The following TAF1 variants were observed in gnomAD, a reference collection of about 807,000 sequenced individuals.
TAF1 encodes TATA-box binding protein associated factor 1, also known as transcription initiation factor TFIID subunit 1.
TAF1 carries 2 observed loss-of-function variants against 138.5 expected under a neutral mutation model. The observed-to-expected ratio is 0.01, with a 90% CI of 0.01 to 0.05. The LOEUF is 0.05. Among genes scored for constraint, TAF1 ranks in the 10% least tolerant of loss-of-function variants. The pLI is 1.00. For synonymous variants in TAF1, 437 were observed against 503.2 expected, an observed-to-expected ratio of 0.87 and a Z score of 1.76; for missense variants, 709 against 1,478.0, an observed-to-expected ratio of 0.48 and a Z score of 8.53.
intron 32 of TAF1, among the ~76,000 whole-genome samples, chrX:71,429,976 A>G: frequency 9.0e-6 from 1 of 111,670 alleles, no homozygotes; most frequent in South Asian, 3.8e-4. Flanking sequence ...TCTAGGGACT[A>G]CTCCACACAA....
Position 71,387,326 on chromosome X carries a change from G to C in TAF1, c.2292G>C (p.Leu764Phe). The part of the protein sequence containing the change: ...YLHKMPETDF[L>F]IIRTRQGYYI... ...ATAAGATGCCAGAAACTGATTTCTT[G>C]ATCATTCGGACAAGACAGGGTTACT... Residue 764 changes from leucine to phenylalanine, a missense_variant, in exon 15 of 38, where the codon TTG becomes TTC. Around this residue, in one of 14 missense-constraint regions of TAF1, gnomAD observed 201 missense variants for 421.3 expected, o/e 0.48. Coordinates refer to ENST00000423759, the MANE Select transcript of TAF1 (RefSeq NM_004606.5). The C allele has an allele frequency of 8.3e-7, 1 of 1,211,780 alleles. No homozygotes were observed. The highest frequency in any genetic ancestry group is 1.1e-6 in the Non-Finnish European group (1 of 895,533).
chrX:71,430,379 G>A (rs2036821758), intron 32 of TAF1, among the ~76,000 whole-genome samples: 2 of 86,822 alleles, frequency 2.3e-5, no homozygotes, highest in Admixed American at 1.4e-4. Context: ...GCGAGACTCC[G>A]TCTCACAAAA....
chrX:71,513,256 A>G (rs973972193), intron 13 of TAF1, among the ~76,000 whole-genome samples: 5 of 111,753 alleles, frequency 4.5e-5, no homozygotes, highest in African/African-American at 1.6e-4. Context: ...TGGATAATTC[A>G]TGGAGCAGTC....
At chrX:71,418,712 C>T (rs1461926796) in intron 28 of TAF1, among the ~76,000 whole-genome samples, 1 of 108,235 alleles carries the variant, frequency 9.2e-6, no homozygotes, top group Non-Finnish European at 1.9e-5. Flanking sequence ...GGAGATAGGT[C>T]AGATAGTTCA....
intron 2 of TAF1, among the ~76,000 whole-genome samples, chrX:71,367,853 T>C (rs1423027195): frequency 9.0e-6 from 1 of 111,585 alleles, no homozygotes; most frequent in Non-Finnish European, 1.9e-5. Flanking sequence ...GTATTTTTAG[T>C]AGAGACAGGG....
At chrX:71,394,330 A>C in intron 22 of TAF1, 85 bp downstream of exon 22, 1 of 1,042,158 alleles carries the variant, frequency 9.6e-7, no homozygotes, top group African/African-American at 1.9e-5. Flanking sequence ...ATTGAGGGAG[A>C]TCTGGAGGCA....
chrX:71,483,803 T>TATATATATATATATACAC (rs1290090578), intron 13 of TAF1, among the ~76,000 whole-genome samples: 1 of 92,894 alleles, frequency 1.1e-5, no homozygotes, highest in African/African-American at 4.3e-5. Flanking sequence ...TATATATATA[T>TATATATATATATATACAC]ACACACACAT....
intron 13 of TAF1, among the ~76,000 whole-genome samples, chrX:71,496,483 CTCTT>C (rs2039397127): frequency 1.8e-5 from 2 of 111,756 alleles, no homozygotes; most frequent in Admixed American, 9.5e-5. Context: ...CTCTCTTTCT[CTCTT>C]TCTTTCTCTT....
chrX:71,395,365 T>A (rs1446948729), intron 22 of TAF1, among the ~76,000 whole-genome samples: 1 of 111,077 alleles, frequency 9.0e-6, no homozygotes, highest in African/African-American at 3.3e-5. Context: ...AAAAATTAGA[T>A]GTGGTGGCAG....
At chrX:71,382,475 G>C in intron 9 of TAF1, 61 bp from the exon 10 acceptor site, 1 of 1,172,980 alleles carries the variant, frequency 8.5e-7, no homozygotes, top group Non-Finnish European at 1.1e-6. Context: ...CTGGATACTT[G>C]TCTGTAGGAA....
At chrX:71,370,427 A>G (rs752409641) in intron 3 of TAF1, among the ~76,000 whole-genome samples, 4 of 110,919 alleles carry the variant, frequency 3.6e-5, no homozygotes, top group Non-Finnish European at 5.7e-5. Context: ...GCTCACTGCA[A>G]CTTCCACCTA....
At chrX:71,371,831 C>G (rs2033079503) in intron 3 of TAF1, among the ~76,000 whole-genome samples, 1 of 111,783 alleles carries the variant, frequency 8.9e-6, no homozygotes, top group South Asian at 3.7e-4. Flanking sequence ...GTTTTCTTGT[C>G]TGTAGTAAAG....
intron 25 of TAF1, among the ~76,000 whole-genome samples, chrX:71,404,638 G>A (rs764161918): frequency 6.8e-4 from 76 of 111,523 alleles, no homozygotes; most frequent in Non-Finnish European, 1.1e-3. Context: ...CGCTCAGCTG[G>A]TATACATATA....
chrX:71,391,133 C>G (rs931806371), intron 18 of TAF1, among the ~76,000 whole-genome samples: 1 of 111,856 alleles, frequency 8.9e-6, no homozygotes, highest in Non-Finnish European at 1.9e-5. Flanking sequence ...TGCCTGGCCT[C>G]TACTTTCTTC....
intron 28 of TAF1, chrX:71,413,921 G>A (rs1363188911): frequency 3.6e-5 from 4 of 111,629 alleles, no homozygotes; most frequent in Non-Finnish European, 5.6e-5. Flanking sequence ...AGTGTCCCAC[G>A]TGTTCAGGCT....
chrX:71,437,980 C>T (rs2037230257), intron 32 of TAF1, among the ~76,000 whole-genome samples: 1 of 108,204 alleles, frequency 9.2e-6, no homozygotes, highest in Non-Finnish European at 1.9e-5. Context: ...GGATTACAGG[C>T]GTGCACCACC....
intron 28 of TAF1, among the ~76,000 whole-genome samples, chrX:71,417,601 C>T (rs1278020403): frequency 1.8e-5 from 2 of 110,703 alleles, no homozygotes; most frequent in Non-Finnish European, 3.8e-5. Flanking sequence ...TGGGCTCAAG[C>T]GATCTGTCCA....
intron 13 of TAF1, chrX:71,527,691 C>A: frequency 8.7e-6 from 1 of 115,171 alleles, no homozygotes. Context: ...ATTGATTACT[C>A]TTTTACACAT....
At position 71,527,453 on chromosome X, in the gene TAF1, A is replaced by G. The variant is rs767365604; in HGVS notation, c.1367-1089A>G. 8.2e-4 allele frequency among the ~76,000 whole-genome samples: 91 copies of G among 111,010 alleles called. 1 individual carries two copies. Among genetic ancestry groups the G allele is most frequent in the Non-Finnish European group, 1.6e-3 (86 of 52,985 alleles). Reference sequence around the variant, plus strand: ...TTACTTTACTTGGGATTGAATACATATGAAATGTGCTTTCAATACATAAAA... The same window carrying G: ...TTACTTTACTTGGGATTGAATACATGTGAAATGTGCTTTCAATACATAAAA... On this transcript the variant is annotated intron_variant and NMD_transcript_variant, in intron 13 of 14. Coordinates refer to the TAF1 transcript ENST00000373775.
Sources: gnomAD v4.1 joint callset for allele counts (sites outside exome capture counted in the v4.1 genomes callset) on GRCh38, gnomAD v4.1.1 for gene constraint, gnomAD v4.1.1 regional missense constraint, MANE v1.5 for transcripts, NCBI Gene and HGNC (gene_info 2026-07-23, HGNC 2026-07-21) for gene names.